KIF6: variants seen among roughly 807,000 people sequenced by gnomAD.
The protein encoded by KIF6 is kinesin family member 6, also known as kinesin-like protein KIF6.
KIF6 carries 106 observed loss-of-function variants against 112.7 expected under a neutral mutation model. That is an observed-to-expected ratio of 0.94 (90% confidence interval 0.80 to 1.11). The LOEUF is 1.11. Among genes scored for constraint, KIF6 ranks in the 50% least tolerant of loss-of-function variants. KIF6 has a pLI of 0.00. For missense variants in KIF6, 929 were observed against 964.0 expected, an observed-to-expected ratio of 0.96 and a Z score of 0.48; for synonymous variants, 339 against 339.9, an observed-to-expected ratio of 1.00 and a Z score of 0.03.
At chr6:39,584,295 G>A (rs930064991) in intron 9 of KIF6, among the ~76,000 whole-genome samples, 1 of 151,068 alleles carries the variant, frequency 6.6e-6, no homozygotes, top group Non-Finnish European at 1.5e-5. Context: ...GTGGCGGCGT[G>A]TGTCTGTGGT....
At chr6:39,569,386 T>C (rs1780521056) in intron 10 of KIF6, among the ~76,000 whole-genome samples, 1 of 152,214 alleles carries the variant, frequency 6.6e-6, no homozygotes, top group African/African-American at 2.4e-5. Context: ...ATATAGTCAT[T>C]GGGATGGTAT....
chr6:39,519,261 G>A lies in KIF6; in HGVS notation c.1645+20742C>T, dbSNP rs74669677. Among the ~76,000 whole-genome samples, 134 of 152,236 alleles carry A rather than the reference G, an allele frequency of 8.8e-4. 5 individuals carry two copies. In the East Asian group the frequency reaches 0.023, roughly 26 times the overall value. On this transcript the variant is annotated intron_variant, in intron 13 of 22. Transcript: ENST00000287152. ...GGAATAGGCCACATTATTGATGAAAGTCTTTGTTATAAAACTTATTTCCAA... is the reference window on the plus strand; with the variant it reads ...GGAATAGGCCACATTATTGATGAAAATCTTTGTTATAAAACTTATTTCCAA...
At chr6:39,600,500 A>T (rs1399399747) in intron 6 of KIF6, among the ~76,000 whole-genome samples, 1 of 152,150 alleles carries the variant, frequency 6.6e-6, no homozygotes, top group Non-Finnish European at 1.5e-5. Context: ...AAAGAAAGTG[A>T]TCTGTTCTTA....
intron 13 of KIF6, among the ~76,000 whole-genome samples, chr6:39,469,209 G>A (rs1280263267): frequency 6.6e-6 from 1 of 151,958 alleles, no homozygotes; most frequent in East Asian, 1.9e-4. Flanking sequence ...GGATTAAAAT[G>A]CTACACTAGA....
chr6:39,468,957 C>A (rs971338465), intron 13 of KIF6, among the ~76,000 whole-genome samples: 2 of 151,988 alleles, frequency 1.3e-5, no homozygotes, highest in Non-Finnish European at 2.9e-5. Context: ...GGGGTGGAAG[C>A]AAAGCTGTCC....
At chr6:39,603,255 C>T (rs1782674613) in intron 6 of KIF6, among the ~76,000 whole-genome samples, 1 of 152,018 alleles carries the variant, frequency 6.6e-6, no homozygotes, top group Non-Finnish European at 1.5e-5. Context: ...ATAGAAGGGG[C>T]TTGGAGCAGC....
intron 6 of KIF6, among the ~76,000 whole-genome samples, chr6:39,607,614 T>G (rs559117927): frequency 1.9e-4 from 29 of 150,360 alleles, no homozygotes; most frequent in African/African-American, 6.6e-4. Flanking sequence ...TTATTTGAGG[T>G]GGAGTCGCAC....
intron 3 of KIF6, among the ~76,000 whole-genome samples, chr6:39,698,899 C>T (rs1788707670): frequency 6.6e-6 from 1 of 152,148 alleles, no homozygotes; most frequent in African/African-American, 2.4e-5. Context: ...AATACAAAAG[C>T]AGTAGCTGTA....
intron 10 of KIF6, among the ~76,000 whole-genome samples, chr6:39,569,337 T>G (rs1456060988): frequency 6.6e-6 from 1 of 152,224 alleles, no homozygotes; most frequent in East Asian, 1.9e-4. Flanking sequence ...GTTTGTTTCA[T>G]TTGATTTTTA....
At chr6:39,352,468 T>C (rs1764329189) in intron 19 of KIF6, among the ~76,000 whole-genome samples, 1 of 152,232 alleles carries the variant, frequency 6.6e-6, no homozygotes, top group Non-Finnish European at 1.5e-5. Flanking sequence ...AACCACTGAC[T>C]ATTTCACTGT....
intron 14 of KIF6, among the ~76,000 whole-genome samples, chr6:39,423,803 A>G (rs1306771463): frequency 1.3e-5 from 2 of 151,866 alleles, no homozygotes; most frequent in Non-Finnish European, 2.9e-5. Flanking sequence ...CTCTATCCTC[A>G]ATATCTATCA....
chr6:39,390,554 G>C (rs1187373560), intron 15 of KIF6, among the ~76,000 whole-genome samples: 8 of 152,194 alleles, frequency 5.3e-5, no homozygotes, highest in Non-Finnish European at 8.8e-5. Context: ...GGAAGGTTGA[G>C]TGGAGGACTA....
At chr6:39,538,436 C>T (rs1316793015) in intron 13 of KIF6, among the ~76,000 whole-genome samples, 1 of 151,896 alleles carries the variant, frequency 6.6e-6, no homozygotes, top group African/African-American at 2.4e-5. Context: ...CAAAAGAAGA[C>T]ATTTATGCAG....
At chr6:39,444,126 G>A (rs896670601) in intron 13 of KIF6, among the ~76,000 whole-genome samples, 3 of 152,262 alleles carry the variant, frequency 2.0e-5, no homozygotes, top group Non-Finnish European at 4.4e-5. Flanking sequence ...ATTGGGCCTA[G>A]TTGGCAAGGT....
chr6:39,439,125 AGTT>A, intron 13 of KIF6, among the ~76,000 whole-genome samples: 1 of 152,222 alleles, frequency 6.6e-6, no homozygotes, highest in East Asian at 1.9e-4. Context: ...AATGTATCTC[AGTT>A]GTTAAGTGAC....
rs140914287 is a variant in KIF6 at position 39,462,441 on chromosome 6, C to T, written c.1646-31280G>A. Among the ~76,000 whole-genome samples the T allele has an allele frequency of 1.2e-4, 19 of 152,284 alleles. No homozygotes were observed. The East Asian group carries it at 2.3e-3, about 19-fold the overall frequency. On this transcript the variant is annotated intron_variant, in intron 13 of 22. Coordinates refer to ENST00000287152, the MANE Select transcript of KIF6 (RefSeq NM_145027.6). ...CAATCACTGAGCTGCCAGATCAACACGAGATCACCTACCTTTTGAACTTCA... is the reference window on the plus strand; with the variant it reads ...CAATCACTGAGCTGCCAGATCAACATGAGATCACCTACCTTTTGAACTTCA...
intron 13 of KIF6, among the ~76,000 whole-genome samples, chr6:39,538,287 A>G (rs1365801578): frequency 2.0e-5 from 3 of 151,138 alleles, no homozygotes; most frequent in Non-Finnish European, 4.4e-5. Flanking sequence ...GCAACCTACA[A>G]CATGGGAGAA....
In KIF6 at chr6:39,544,660, TG is replaced by T; in HGVS notation, c.1320del (p.Asn440LysfsTer17). 1 of 1,606,812 alleles carries T rather than the reference TG, an allele frequency of 6.2e-7. No homozygotes were observed. The highest frequency in any genetic ancestry group is 8.5e-7 in the Non-Finnish European group (1 of 1,177,670). On this transcript the variant is annotated frameshift_variant, in exon 12 of 23. Transcript: ENST00000287152. LOFTEE classifies it high-confidence loss of function. The stretch of plus-strand genomic sequence containing the variant: ...TCTTTGCTTTCAGAGGAGACTGTAT[TG>T]TTTTCAAGGATCTTCTTGTCATTCA... ...KLLNDKKILENNTVSSESKDQ... is the reference protein window; with the variant it reads ...KLLNDKKILEXNTVSSESKDQ...
chr6:39,611,876 C>A (rs940357304), intron 6 of KIF6, among the ~76,000 whole-genome samples: 4 of 151,918 alleles, frequency 2.6e-5, no homozygotes, highest in Admixed American at 6.6e-5. Context: ...ATCAAATGGG[C>A]AAAATGTTGG....
Sources: allele counts gnomAD v4.1 joint callset (sites outside exome capture counted in the v4.1 genomes callset), GRCh38; gene constraint gnomAD v4.1.1; transcripts MANE v1.5; gene names NCBI Gene and HGNC (gene_info 2026-07-23, HGNC 2026-07-21).